Variants in ANO4 observed in about 807,000 individuals in gnomAD.
ANO4 encodes anoctamin-4.
A neutral mutation model predicts 141.9 loss-of-function variants in ANO4; 69 were observed. That is an observed-to-expected ratio of 0.49 (90% CI 0.40 to 0.59). ANO4 has a LOEUF of 0.59. ANO4 is among the 20% of genes least tolerant of loss of function. ANO4 has a pLI of 0.00. For missense variants in ANO4, 894 were observed against 1,162.2 expected, an observed-to-expected ratio of 0.77 and a Z score of 3.36; for synonymous variants, 350 against 394.3, an observed-to-expected ratio of 0.89 and a Z score of 1.33.
chr12:100,810,533 G>A (rs1032967783), intron 1 of ANO4, among the ~76,000 whole-genome samples: 1 of 152,288 alleles, frequency 6.6e-6, no homozygotes, highest in Non-Finnish European at 1.5e-5. Context: ...GAGTCAGGGT[G>A]TAAGTAGGTC....
intron 1 of ANO4, among the ~76,000 whole-genome samples, chr12:100,882,478 A>C (rs936966789): frequency 6.6e-6 from 1 of 152,096 alleles, no homozygotes; most frequent in East Asian, 1.9e-4. Context: ...TTAATTAAAA[A>C]CACATAGTTG....
intron 5 of ANO4, among the ~76,000 whole-genome samples, chr12:100,950,896 C>G (rs1338207441): frequency 6.6e-6 from 1 of 152,154 alleles, no homozygotes; most frequent in Non-Finnish European, 1.5e-5. Flanking sequence ...TGCCAGCAAA[C>G]ATGAAATTCA....
intron 1 of ANO4, among the ~76,000 whole-genome samples, chr12:100,856,531 G>A (rs1466947489): frequency 6.6e-6 from 1 of 152,210 alleles, no homozygotes; most frequent in African/African-American, 2.4e-5. Flanking sequence ...TAAAATGGCA[G>A]GATAAGACAA....
At chr12:100,837,338 G>A (rs184868300) in intron 1 of ANO4, among the ~76,000 whole-genome samples, 9 of 152,222 alleles carry the variant, frequency 5.9e-5, no homozygotes, top group Admixed American at 3.9e-4. Context: ...AAGATGCAGA[G>A]GCTTTAAAGT....
intron 26 of ANO4, among the ~76,000 whole-genome samples, chr12:101,121,664 A>C (rs1001577124): frequency 6.6e-6 from 1 of 151,862 alleles, no homozygotes; most frequent in Non-Finnish European, 1.5e-5. Context: ...TCCAGACTAC[A>C]CAGTAGTTGG....
intron 5 of ANO4, among the ~76,000 whole-genome samples, chr12:100,946,937 C>T (rs553129301): frequency 2.6e-5 from 4 of 152,116 alleles, no homozygotes; most frequent in South Asian, 4.2e-4. Context: ...GGGGTGTGTA[C>T]GATCAAAGCT....
intron 1 of ANO4, among the ~76,000 whole-genome samples, chr12:100,880,078 T>C: frequency 6.6e-6 from 1 of 152,122 alleles, no homozygotes. Context: ...TATAGCACAG[T>C]ACACATTGTA....
At chr12:100,919,869 G>C (rs1322683828) in intron 2 of ANO4, among the ~76,000 whole-genome samples, 2 of 151,610 alleles carry the variant, frequency 1.3e-5, no homozygotes, top group Non-Finnish European at 2.9e-5. Context: ...ATTCTTTGAA[G>C]ACAGAATTTA....
intron 24 of ANO4, among the ~76,000 whole-genome samples, chr12:101,113,758 A>G (rs2050750658): frequency 6.6e-6 from 1 of 152,202 alleles, no homozygotes; most frequent in Admixed American, 6.5e-5. Flanking sequence ...TTGCTGGCTC[A>G]TCCCTTTCTT....
chr12:101,090,748 AAAAG>A lies in ANO4; in HGVS notation c.1702-3496_1702-3493del, dbSNP rs147606402. 4.4e-3 allele frequency among the ~76,000 whole-genome samples: 663 copies of A among 152,288 alleles called. 4 individuals are homozygous for A. Among genetic ancestry groups the A allele is most frequent in the Middle Eastern group, 0.02 (6 of 294 alleles). On this transcript the variant is annotated intron_variant, in intron 17 of 27. Coordinates refer to ENST00000392977, the MANE Select transcript of ANO4 (RefSeq NM_001286615.2). ...TGTACCCTAGAACTTAAATTAAAAA[AAAAG>A]AAAGAAAGAAATGCCTATGTACAGG...
rs866476654 is a variant in ANO4, at chr12:100,887,974, A to G, written c.-140-13672A>G. ...TTTTGTGAGGTGACCGGAAATAAAT[A>G]TCTGCTTCCTAAGTATTTCCCTGAG... On this transcript the variant is annotated intron_variant, in intron 1 of 27. Coordinates refer to ENST00000392977, the MANE Select transcript of ANO4 (RefSeq NM_001286615.2). Among the ~76,000 whole-genome samples, 18 of 152,318 alleles carry G rather than the reference A, an allele frequency of 1.2e-4. 1 individual carries two copies. The highest frequency in any genetic ancestry group is 1.8e-4 in the Non-Finnish European group (12 of 68,036).
chr12:101,032,891 C>A (rs865818567), intron 9 of ANO4, among the ~76,000 whole-genome samples: 128 of 150,360 alleles, frequency 8.5e-4, no homozygotes, highest in East Asian at 1.8e-3. Flanking sequence ...TAGTTCAACC[C>A]TTGTGGAAGT....
intron 8 of ANO4, among the ~76,000 whole-genome samples, chr12:101,016,098 A>G (rs1238343296): frequency 1.3e-5 from 2 of 152,172 alleles, no homozygotes; most frequent in African/African-American, 4.8e-5. Flanking sequence ...CCAAGGTATA[A>G]GGAGATGAGA....
At chr12:100,744,759 C>T (rs987277961) in intron 3 of ANO4, among the ~76,000 whole-genome samples, 2 of 152,174 alleles carry the variant, frequency 1.3e-5, no homozygotes, top group Non-Finnish European at 1.5e-5. Context: ...TTCAAAGCTT[C>T]GTCTCCATCC....
chr12:100,782,732 G>A (rs2033749265), intron 3 of ANO4, among the ~76,000 whole-genome samples: 1 of 152,136 alleles, frequency 6.6e-6, no homozygotes. Context: ...CAATCAGTGT[G>A]TAGATATGGT....
At chr12:100,719,744 T>C (rs569875707) in intron 1 of ANO4, among the ~76,000 whole-genome samples, 2 of 152,356 alleles carry the variant, frequency 1.3e-5, no homozygotes, top group East Asian at 3.9e-4. Context: ...AGCAGCAGCC[T>C]CTAGTAATCC....
rs761645448 is a variant in ANO4, at chr12:101,020,074, A to T, written c.775A>T (p.Thr259Ser). The change falls in exon 9 of 28, where the codon ACA becomes TCA. Residue 259 changes from threonine (T) to serine (S), a missense_variant. This residue lies in a region of ANO4 where 637 missense variants were observed against 909.2 expected (regional missense o/e 0.70). Transcript: ENST00000392977. ...CAAAGAAACGTTCTTCAACAATGCCACAAGAAGTAGAATCGTGCATCACAT... is the reference window on the plus strand; with the variant it reads ...CAAAGAAACGTTCTTCAACAATGCCTCAAGAAGTAGAATCGTGCATCACAT... ...HNKETFFNNATRSRIVHHILQ... is the reference protein window; with the variant it reads ...HNKETFFNNASRSRIVHHILQ... 1 of 1,613,658 alleles carries T rather than the reference A, an allele frequency of 6.2e-7. No homozygotes were observed. The highest frequency in any genetic ancestry group is 1.3e-5 in the African/African-American group (1 of 74,914).
At chr12:100,971,218 C>G in intron 5 of ANO4, 88 bp from the exon 6 acceptor site, 1 of 857,818 alleles carries the variant, frequency 1.2e-6, no homozygotes, top group Non-Finnish European at 1.9e-6. Flanking sequence ...AAACTCTGTC[C>G]AGGTCCATGC....
At chr12:100,901,426 T>C (rs1205634057) in intron 1 of ANO4, among the ~76,000 whole-genome samples, 2 of 152,206 alleles carry the variant, frequency 1.3e-5, no homozygotes, top group Non-Finnish European at 2.9e-5. Flanking sequence ...CCCAGCATTT[T>C]GGAAGGAATT....
Sources: gnomAD v4.1 joint callset for allele counts (sites outside exome capture counted in the v4.1 genomes callset) on GRCh38, gnomAD v4.1.1 for gene constraint, gnomAD v4.1.1 regional missense constraint, MANE v1.5 for transcripts, NCBI Gene and HGNC (gene_info 2026-07-23, HGNC 2026-07-21) for gene names.